PHKB: variants seen among roughly 807,000 people sequenced by gnomAD.
The protein encoded by PHKB is phosphorylase kinase regulatory subunit beta.
Under a neutral mutation model 152.1 loss-of-function variants are expected in PHKB, and 122 were observed. The ratio of observed to expected loss-of-function variants is 0.80; its 90% confidence interval spans 0.69 to 0.93. The LOEUF is 0.93. PHKB is among the 40% of genes least tolerant of loss of function. PHKB has a pLI of 0.00. For missense variants in PHKB, 1,304 were observed against 1,328.4 expected, an observed-to-expected ratio of 0.98 and a Z score of 0.29; for synonymous variants, 436 against 464.9, an observed-to-expected ratio of 0.94 and a Z score of 0.80.
chr16:47,597,638 G>A (rs929341366), intron 13 of PHKB, among the ~76,000 whole-genome samples: 2 of 151,252 alleles, frequency 1.3e-5, no homozygotes, highest in Non-Finnish European at 2.9e-5. Flanking sequence ...TCCAAAGCGG[G>A]GGGGAAAGAC....
At chr16:47,480,007 G>A (rs1213715761) in intron 1 of PHKB, among the ~76,000 whole-genome samples, 1 of 152,060 alleles carries the variant, frequency 6.6e-6, no homozygotes, top group African/African-American at 2.4e-5. Context: ...TGCTATAAAC[G>A]TTAAAATTTC....
chr16:47,501,871 A>G (rs1326523349), intron 3 of PHKB, among the ~76,000 whole-genome samples: 1 of 152,190 alleles, frequency 6.6e-6, no homozygotes, highest in Non-Finnish European at 1.5e-5. Context: ...TTGCAGGCAC[A>G]CTATCTATGT....
chr16:47,462,274 A>G (rs1969578349), intron 1 of PHKB: 1 of 152,192 alleles, frequency 6.6e-6, no homozygotes, highest in Non-Finnish European at 1.5e-5. Flanking sequence ...ATGAAGTGTC[A>G]TTATTGGGGG....
chr16:47,594,349 C>A, intron 12 of PHKB, 135 bp downstream of exon 12: 3 of 647,512 alleles, frequency 4.6e-6, no homozygotes, highest in South Asian at 3.5e-5. Context: ...GATATGAAAT[C>A]AGAAAGAAGA....
At chr16:47,588,865 G>A (rs781322525) in intron 9 of PHKB, 40 bp from the exon 10 acceptor site, 34 of 1,528,654 alleles carry the variant, frequency 2.2e-5, no homozygotes, top group South Asian at 1.6e-4. Context: ...TGATCACATC[G>A]CTGTGGACAC....
intron 1 of PHKB, among the ~76,000 whole-genome samples, chr16:47,496,918 C>A (rs996742295): frequency 6.6e-6 from 1 of 152,080 alleles, no homozygotes; most frequent in Non-Finnish European, 1.5e-5. Context: ...GCTGAATATT[C>A]GTGGAGTGGA....
At chr16:47,669,711 C>T (rs1973605583) in intron 26 of PHKB, among the ~76,000 whole-genome samples, 1 of 152,138 alleles carries the variant, frequency 6.6e-6, no homozygotes, top group African/African-American at 2.4e-5. Context: ...ACGCTAAGCA[C>T]AGTACTTGCA....
At chr16:47,572,765 C>A (rs1971683683) in intron 7 of PHKB, among the ~76,000 whole-genome samples, 1 of 152,162 alleles carries the variant, frequency 6.6e-6, no homozygotes, top group African/African-American at 2.4e-5. Flanking sequence ...TAGTAATGTA[C>A]TGGGTACATG....
Position 47,699,440 on chromosome 16 carries a change from A to G in PHKB, c.*74A>G. ...TGTGTTTCATGTTCAAGCTTAATCA[A>G]GGCAGCCATTAATATACGAACTGAG... On this transcript the variant is annotated 3_prime_UTR_variant, in exon 31 of 31. Coordinates refer to ENST00000323584, the MANE Select transcript of PHKB (RefSeq NM_000293.3). 7 of 1,561,348 alleles carry G rather than the reference A, an allele frequency of 4.5e-6. 1 individual carries two copies.
chr16:47,693,288 CT>C, intron 27 of PHKB, 89 bp from the exon 28 acceptor site: 2 of 1,316,374 alleles, frequency 1.5e-6, no homozygotes, highest in South Asian at 1.2e-5. Context: ...ATTTCTTACC[CT>C]ATCAGAACAA....
At chr16:47,698,965 G>A (rs1298486986) in intron 30 of PHKB, among the ~76,000 whole-genome samples, 1 of 151,974 alleles carries the variant, frequency 6.6e-6, no homozygotes, top group African/African-American at 2.4e-5. Context: ...GGCCCTTCCA[G>A]GTTCTCTGTT....
At chr16:47,483,317 G>A (rs1319270198) in intron 1 of PHKB, among the ~76,000 whole-genome samples, 2 of 151,998 alleles carry the variant, frequency 1.3e-5, no homozygotes, top group Non-Finnish European at 2.9e-5. Flanking sequence ...CAAAGTACTG[G>A]TATTATGGGT....
intron 29 of PHKB, 112 bp downstream of exon 29, chr16:47,696,600 C>T (rs1342827650): frequency 9.6e-6 from 7 of 732,044 alleles, no homozygotes; most frequent in East Asian, 7.9e-5. Flanking sequence ...TCCAGTACCC[C>T]GATCTCTCCT....
intron 6 of PHKB, among the ~76,000 whole-genome samples, chr16:47,545,646 C>G (rs558711932): frequency 6.6e-6 from 1 of 152,286 alleles, no homozygotes; most frequent in African/African-American, 2.4e-5. Flanking sequence ...GCCTCCCTTG[C>G]TAGGTTGGGG....
chr16:47,509,351 A>G (rs1970470577), intron 4 of PHKB, among the ~76,000 whole-genome samples: 1 of 152,154 alleles, frequency 6.6e-6, no homozygotes, highest in African/African-American at 2.4e-5. Context: ...AACTGTACCC[A>G]TTCTCTAGGT....
chr16:47,665,036 T>C, intron 25 of PHKB, 61 bp downstream of exon 25: 1 of 1,057,262 alleles, frequency 9.5e-7, no homozygotes, highest in Non-Finnish European at 1.5e-6. Flanking sequence ...ATTTGCACTC[T>C]GAAGGTTAAA....
At chr16:47,660,333 G>A (rs1486227395) in intron 20 of PHKB, among the ~76,000 whole-genome samples, 173 bp from the exon 21 acceptor site, 1 of 151,998 alleles carries the variant, frequency 6.6e-6, no homozygotes, top group Admixed American at 6.5e-5. Flanking sequence ...TTTTTTGTGT[G>A]TGTAGAAACC....
At chr16:47,567,964 A>T (rs1212437519) in intron 7 of PHKB, among the ~76,000 whole-genome samples, 1 of 152,070 alleles carries the variant, frequency 6.6e-6, no homozygotes, top group Non-Finnish European at 1.5e-5. Flanking sequence ...GGCTTTTTGC[A>T]TCTGTATTTA....
At chr16:47,652,379 CTTTT>C (rs112153239) in intron 20 of PHKB, among the ~76,000 whole-genome samples, 1 of 116,766 alleles carries the variant, frequency 8.6e-6, no homozygotes. Flanking sequence ...CTCTAGTGGT[CTTTT>C]TTTTTTTTTT....
Sources: gnomAD v4.1 joint callset for allele counts (sites outside exome capture counted in the v4.1 genomes callset) on GRCh38, gnomAD v4.1.1 for gene constraint, MANE v1.5 for transcripts, NCBI Gene and HGNC (gene_info 2026-07-23, HGNC 2026-07-21) for gene names.